Variants in TTC39B observed in about 807,000 individuals in gnomAD.
TTC39B encodes tetratricopeptide repeat domain 39B.
Under a neutral mutation model 96.6 loss-of-function variants are expected in TTC39B, and 92 were observed. The observed-to-expected ratio is 0.95, with a 90% CI of 0.80 to 1.13. The LOEUF (loss-of-function observed/expected upper bound fraction) is 1.13, where lower values mean the gene tolerates loss of function less well. TTC39B is among the 50% of genes most tolerant of loss of function. The pLI is 0.00. For synonymous variants in TTC39B, 367 were observed against 299.4 expected (o/e 1.23, Z -2.33); for missense variants, 955 against 809.3 (o/e 1.18, Z -2.18).
chr9:15,252,458 C>T (rs1225894283), intron 2 of TTC39B, among the ~76,000 whole-genome samples: 2 of 152,236 alleles, frequency 1.3e-5, no homozygotes, highest in Admixed American at 1.3e-4. Context: ...ACCATCCTGG[C>T]TAACACGGTG....
chr9:15,179,661 G>A (rs546225193), intron 17 of TTC39B, among the ~76,000 whole-genome samples: 1 of 152,082 alleles, frequency 6.6e-6, no homozygotes, highest in African/African-American at 2.4e-5. Context: ...AAAACCAAAG[G>A]GTCCATATTG....
At chr9:15,167,150 C>A (rs1282862059) in exon 20 of TTC39B, 1 of 135,576 alleles carries the variant, frequency 7.4e-6, no homozygotes, top group Non-Finnish European at 1.6e-5. Flanking sequence ...AATTATCCCA[C>A]CTAAGTCTCC....
intron 3 of TTC39B, among the ~76,000 whole-genome samples, chr9:15,217,248 G>C (rs564118914): frequency 6.6e-6 from 1 of 152,188 alleles, no homozygotes; most frequent in East Asian, 1.9e-4. Flanking sequence ...TCGAATATTA[G>C]GTGTTCCCAT....
At chr9:15,257,798 G>T (rs542570698) in intron 2 of TTC39B, among the ~76,000 whole-genome samples, 3 of 150,898 alleles carry the variant, frequency 2.0e-5, no homozygotes, top group Non-Finnish European at 4.4e-5. Context: ...GGTGGCTCAC[G>T]CCTGTAATCC....
At chr9:15,304,549 G>T (rs190955678) in intron 1 of TTC39B, among the ~76,000 whole-genome samples, 161 of 152,190 alleles carry the variant, frequency 1.1e-3, no homozygotes, top group African/African-American at 3.7e-3. Context: ...CAGCTACCAT[G>T]GGAGCTTCTC....
chr9:15,205,939 T>A (rs1819824362), intron 6 of TTC39B, among the ~76,000 whole-genome samples: 1 of 152,106 alleles, frequency 6.6e-6, no homozygotes, highest in African/African-American at 2.4e-5. Flanking sequence ...AAGGGCTCAG[T>A]CAAGGCTCAA....
At chr9:15,233,810 G>A (rs1821587361) in intron 2 of TTC39B, among the ~76,000 whole-genome samples, 1 of 152,030 alleles carries the variant, frequency 6.6e-6, no homozygotes, top group Admixed American at 6.5e-5. Flanking sequence ...TCTCTGCCTG[G>A]CCGCCCATCC....
chr9:15,214,184 A>T (rs769436720), exon 4 of TTC39B: 4 of 1,614,000 alleles, frequency 2.5e-6, no homozygotes, highest in African/African-American at 2.7e-5. Context: ...GTTGCTTAGA[A>T]ATAAGTTCAA....
intron 1 of TTC39B, among the ~76,000 whole-genome samples, chr9:15,302,878 A>C (rs1190177757): frequency 6.6e-6 from 1 of 150,816 alleles, no homozygotes; most frequent in Non-Finnish European, 1.5e-5. Flanking sequence ...TTAAAAAGCT[A>C]TGAACATTTG....
chr9:15,199,918 T>G (rs1819433185), exon 8 of TTC39B: 11 of 1,539,458 alleles, frequency 7.1e-6, no homozygotes, highest in Non-Finnish European at 9.8e-6. Context: ...GTTGATCATA[T>G]TTTCATCCTG....
chr9:15,211,122 C>T (rs376689002), intron 5 of TTC39B, 144 bp downstream of exon 5: 1 of 880,020 alleles, frequency 1.1e-6, no homozygotes, highest in East Asian at 3.4e-5. Context: ...AAATGGGAAT[C>T]CTTCAGCTTC....
intron 6 of TTC39B, among the ~76,000 whole-genome samples, chr9:15,204,204 G>A (rs1272871812): frequency 1.3e-5 from 2 of 152,138 alleles, no homozygotes; most frequent in East Asian, 3.8e-4. Context: ...TTTTAAAAAA[G>A]GAAACCACTT....
At position 15,177,832 on chromosome 9, in the gene TTC39B, A is replaced by C; in HGVS notation, c.1724-18T>G. ...GTTAAAATCTTAAAACAAAAAACAT[A>C]CAAAGAAAACACACAAAGAAAAATA... is the stretch of plus-strand genomic sequence containing the variant. On this transcript the variant is annotated intron_variant, in intron 17 of 19. Transcript: ENST00000512701. The C allele has an allele frequency of 7.0e-7, 1 of 1,422,568 alleles. No individual in the cohort carries two copies. The highest frequency in any genetic ancestry group is 9.7e-7 in the Non-Finnish European group (1 of 1,031,666). The allele number at this position is 1,422,568 out of a possible 1,614,324, so 88.1% of individuals were successfully genotyped here.
At chr9:15,182,134 G>T (rs772198812) in intron 17 of TTC39B, among the ~76,000 whole-genome samples, 173 bp downstream of exon 17, 8 of 152,166 alleles carry the variant, frequency 5.3e-5, no homozygotes, top group Non-Finnish European at 1.0e-4. Flanking sequence ...TGCAGTTGCA[G>T]TGTGTATCAT....
intron 1 of TTC39B, among the ~76,000 whole-genome samples, chr9:15,275,656 A>C (rs1450400523): frequency 6.6e-6 from 1 of 152,144 alleles, no homozygotes; most frequent in Non-Finnish European, 1.5e-5. Context: ...GAGATAGAGG[A>C]AGGGAGGACA....
chr9:15,196,392 T>C (rs760573900), intron 8 of TTC39B, among the ~76,000 whole-genome samples: 5 of 152,340 alleles, frequency 3.3e-5, no homozygotes, highest in East Asian at 1.9e-4. Flanking sequence ...CTACCTATCA[T>C]AGAGAACATT....
intron 2 of TTC39B, among the ~76,000 whole-genome samples, chr9:15,263,118 C>T (rs1041941090): frequency 6.6e-6 from 1 of 152,190 alleles, no homozygotes; most frequent in African/African-American, 2.4e-5. Flanking sequence ...AGCTTGCCAA[C>T]TGCAGAACTG....
intron 17 of TTC39B, among the ~76,000 whole-genome samples, chr9:15,181,169 G>T (rs1346191651): frequency 6.6e-6 from 1 of 152,114 alleles, no homozygotes; most frequent in African/African-American, 2.4e-5. Context: ...CAGTAGGCTG[G>T]GCTCCTGGAG....
At position 15,302,516 on chromosome 9, in the gene TTC39B, G is replaced by A. The variant is rs111535919; in HGVS notation, c.240+4568C>T. On this transcript the variant is annotated intron_variant, in intron 1 of 19. Coordinates refer to ENST00000512701, the Ensembl canonical transcript of TTC39B. Reference sequence around the variant, plus strand: ...CATCACGCCACTGCACTCCAATCTGGGTGACAAAGCGAGATTCCGTCTCAA... The same window carrying A: ...CATCACGCCACTGCACTCCAATCTGAGTGACAAAGCGAGATTCCGTCTCAA... Among the ~76,000 whole-genome samples the A allele has an allele frequency of 4.0e-3, 526 of 130,870 alleles. 5 individuals carry two copies. The highest frequency in any genetic ancestry group is 0.013 in the African/African-American group (483 of 35,914). The allele number at this position is 130,870 out of a possible 152,430, so 85.9% of individuals were successfully genotyped here. A position where few individuals can be genotyped will look rare whatever the true frequency, so the allele number is the denominator to read the frequency against.
Sources: gnomAD v4.1 joint callset for allele counts (sites outside exome capture counted in the v4.1 genomes callset) on GRCh38, gnomAD v4.1.1 for gene constraint, MANE v1.5 for transcripts, NCBI Gene and HGNC (gene_info 2026-07-23, HGNC 2026-07-21) for gene names.